The following BIRC6 variants were observed in gnomAD, a reference collection of about 807,000 sequenced individuals.
BIRC6 encodes baculoviral IAP repeat containing 6, also known as dual E2 ubiquitin-conjugating enzyme/E3 ubiquitin-protein ligase BIRC6.
Under a neutral mutation model 503.3 loss-of-function variants are expected in BIRC6, and 98 were observed. The ratio of observed to expected loss-of-function variants is 0.19; its 90% confidence interval spans 0.17 to 0.23. The LOEUF is 0.23. BIRC6 is among the 10% of genes least tolerant of loss of function. BIRC6 has a pLI of 1.00. For missense variants in BIRC6, 5,360 were observed against 5,806.0 expected, an observed-to-expected ratio of 0.92 and a Z score of 2.50; for synonymous variants, 2,240 against 2,078.7, an observed-to-expected ratio of 1.08 and a Z score of -2.11.
At chr2:32,478,279 A>G (rs1409581291) in intron 35 of BIRC6, among the ~76,000 whole-genome samples, 1 of 152,144 alleles carries the variant, frequency 6.6e-6, no homozygotes, top group Non-Finnish European at 1.5e-5. Flanking sequence ...ATGAGGTTGC[A>G]GTGAGCTGAA....
intron 66 of BIRC6, among the ~76,000 whole-genome samples, chr2:32,579,906 T>C (rs2060550096): frequency 6.6e-6 from 1 of 151,922 alleles, no homozygotes; most frequent in South Asian, 2.1e-4. Flanking sequence ...AAAATTGGTC[T>C]TCTTTCTAAG....
In BIRC6 at chr2:32,482,359, A is replaced by G. The variant is rs1044677440; in HGVS notation, c.7543-70A>G. On this transcript the variant is annotated intron_variant, in intron 38 of 73. Coordinates refer to ENST00000421745, the MANE Select transcript of BIRC6 (RefSeq NM_016252.4). The stretch of plus-strand genomic sequence containing the variant: ...ATTTTGTAGTTCTGTTTGGGTTTAG[A>G]TAATGTAAATAACGTGTCATTCAGC... The G allele has an allele frequency of 2.0e-6, 3 of 1,476,964 alleles. No individual in the cohort carries two copies. In the African/African-American group the frequency reaches 4.2e-5, roughly 21 times the overall value. The allele number at this position is 1,476,964 out of a possible 1,614,324, so 91.5% of individuals were successfully genotyped here.
chr2:32,456,954 G>A (rs1016258677), intron 23 of BIRC6, among the ~76,000 whole-genome samples: 10 of 151,990 alleles, frequency 6.6e-5, no homozygotes, highest in African/African-American at 2.2e-4. Flanking sequence ...TTTTTGAGAT[G>A]GGGTCTTGCT....
chr2:32,574,779 A>T, intron 65 of BIRC6: 3 of 270,426 alleles, frequency 1.1e-5, no homozygotes, highest in Non-Finnish European at 2.2e-5. Context: ...ACGGAGTTTC[A>T]CTCTTGTGGC....
chr2:32,416,082 AAGG>A lies in BIRC6; in HGVS notation c.2795_2797del (p.Glu932del). On this transcript the variant is annotated inframe_deletion, in exon 10 of 74. Transcript: ENST00000421745. ...TTTGGCCAAAGTGGAGCCTCCCAAA[AAGG>A]AGGGCACTGAGGAACAGGACACATT... is the stretch of plus-strand genomic sequence containing the variant. 1.2e-6 allele frequency: 2 copies of A among 1,613,946 alleles called. No homozygotes were observed. The highest frequency in any genetic ancestry group is 1.7e-6 in the Non-Finnish European group (2 of 1,179,860).
chr2:32,515,552 C>T lies in BIRC6; in HGVS notation c.11131C>T (p.Leu3711=). The change falls in exon 55 of 74, where the codon CTA becomes TTA. Residue 3711 remains leucine (L), a synonymous_variant. Transcript: ENST00000421745. ...DWLGGSEVNP[L]WTALLFLLCH... is the part of the protein sequence containing the mutation. ...GCTTGGTGGTTCTGAAGTCAATCCA[C>T]TATGGACAGCACTTCTGTTTTTATT... The T allele has an allele frequency of 6.2e-7, 1 of 1,613,998 alleles. No homozygotes were observed. Among genetic ancestry groups the T allele is most frequent in the Non-Finnish European group, 8.5e-7 (1 of 1,179,892 alleles).
intron 61 of BIRC6, among the ~76,000 whole-genome samples, 181 bp from the exon 62 acceptor site, chr2:32,543,060 A>G (rs1292178631): frequency 6.6e-6 from 1 of 152,208 alleles, no homozygotes; most frequent in Non-Finnish European, 1.5e-5. Context: ...TCAGCCTCCC[A>G]AAGTGCTGGG....
At chr2:32,360,747 C>G (rs986981795) in intron 1 of BIRC6, among the ~76,000 whole-genome samples, 1 of 152,068 alleles carries the variant, frequency 6.6e-6, no homozygotes, top group African/African-American at 2.4e-5. Flanking sequence ...TTTCAACCGT[C>G]TTGAACTATT....
intron 71 of BIRC6, among the ~76,000 whole-genome samples, chr2:32,604,895 CTT>C (rs11288979): frequency 3.4e-4 from 45 of 133,528 alleles, no homozygotes; most frequent in Non-Finnish European, 4.8e-4. Flanking sequence ...CTTTTCTTTT[CTT>C]TTTTTTTTTT....
intron 57 of BIRC6, among the ~76,000 whole-genome samples, chr2:32,520,814 C>A (rs906013052): frequency 1.3e-5 from 2 of 152,110 alleles, no homozygotes; most frequent in Non-Finnish European, 2.9e-5. Context: ...GAGACTCTCT[C>A]AAAACACATA....
In BIRC6 at chr2:32,524,951, A is replaced by T; in HGVS notation, c.11687A>T (p.His3896Leu). The T allele has an allele frequency of 6.5e-7, 1 of 1,545,304 alleles. No individual in the cohort carries two copies. The highest frequency in any genetic ancestry group is 8.7e-7 in the Non-Finnish European group (1 of 1,145,406). ...AAAGATGACAAAGAAAAGAAAAACC[A>T]TGAAGAGAAAGAAAAAGTTAAAGCG... ...EQKDDKEKKN[H>L]EEKEKVKAEN... Residue 3896 changes from histidine to leucine, a missense_variant, in exon 58 of 74, where the codon CAT (histidine) becomes CTT (leucine). Transcript: ENST00000421745.
At position 32,521,538 on chromosome 2, in the gene BIRC6, G is replaced by A. The variant is rs62136327; in HGVS notation, c.11623+2592G>A. 2.6e-5 allele frequency among the ~76,000 whole-genome samples: 4 copies of A among 151,404 alleles called. No individual in the cohort carries two copies. The South Asian group carries it at 6.2e-4, about 24-fold the overall frequency. On this transcript the variant is annotated intron_variant, in intron 57 of 73. Transcript: ENST00000421745. ...CCAGGCTGTGCAGTGGCGCGATCTC[G>A]GCTCACTGCAACCTCTGCCTCCCAG...
intron 66 of BIRC6, among the ~76,000 whole-genome samples, chr2:32,591,229 T>C (rs923757951): frequency 6.6e-6 from 1 of 152,224 alleles, no homozygotes; most frequent in Non-Finnish European, 1.5e-5. Context: ...AGGTCTAATA[T>C]ATATCTGCTT....
At position 32,468,500 on chromosome 2, in the gene BIRC6, C is replaced by T. The variant is rs757866060; in HGVS notation, c.5844C>T (p.Asn1948=). The T allele has an allele frequency of 7.4e-6, 12 of 1,613,528 alleles. No homozygotes were observed. The South Asian group carries it at 1.1e-4, about 15-fold the overall frequency. The part of the protein sequence containing the change: ...LLQSIDLPPL[N]SANNAQYFLR... ...AAAGTATTGATCTTCCTCCTCTAAA[C>T]AGTGCTAACAATGCACAGTACTTTT... is the stretch of plus-strand genomic sequence containing the variant. The change falls in exon 29 of 74, where the codon AAC becomes AAT. Residue 1948 remains asparagine, a synonymous_variant. Coordinates refer to ENST00000421745, the MANE Select transcript of BIRC6 (RefSeq NM_016252.4).
intron 71 of BIRC6, among the ~76,000 whole-genome samples, chr2:32,606,133 C>T (rs543754766): frequency 6.6e-6 from 1 of 152,254 alleles, no homozygotes; most frequent in African/African-American, 2.4e-5. Flanking sequence ...TGTTTTCCTG[C>T]CTTCAAAGAT....
At chr2:32,414,506 A>C (rs2042218048) in intron 9 of BIRC6, among the ~76,000 whole-genome samples, 1 of 151,960 alleles carries the variant, frequency 6.6e-6, no homozygotes, top group Admixed American at 6.6e-5. Flanking sequence ...GGCTCTACTA[A>C]AAATAGAAAA....
Position 32,467,907 on chromosome 2 carries a change from C to G in BIRC6, c.5576C>G (p.Thr1859Ser). 1.2e-6 allele frequency: 2 copies of G among 1,611,108 alleles called. No homozygotes were observed. Among genetic ancestry groups the G allele is most frequent in the Non-Finnish European group, 8.5e-7 (1 of 1,178,210 alleles). Residue 1859 changes from threonine to serine, a missense_variant, in exon 28 of 74, where the codon ACT becomes AGT. Thr to Ser is a moderately conservative substitution (Grantham distance 58). This residue lies in a region of BIRC6 where 2,299 missense variants were observed against 2,267.2 expected (regional missense o/e 1.01). Coordinates refer to ENST00000421745, the MANE Select transcript of BIRC6 (RefSeq NM_016252.4). ...ATTTATAATTTTTCATTTCAGATCA[C>G]TGTTATTGGACGTTACGGGAGTACA... ...PPPVCRFMKI[T>S]VIGRYGSTNA...
chr2:32,450,808 A>G, intron 22 of BIRC6, among the ~76,000 whole-genome samples: 1 of 152,190 alleles, frequency 6.6e-6, no homozygotes, highest in African/African-American at 2.4e-5. Context: ...TGTGTGCCTT[A>G]AATCATTTCT....
chr2:32,449,101 C>T lies in BIRC6; in HGVS notation c.4618+173C>T, dbSNP rs934944786. On this transcript the variant is annotated intron_variant, in intron 22 of 73. Coordinates refer to ENST00000421745, the MANE Select transcript of BIRC6 (RefSeq NM_016252.4). Reference sequence around the variant, plus strand: ...CTAGAAGTTCTTAACTTCCTCTTTCCCTCTGAAGAAAATCCCAGTATATTA... The same window carrying T: ...CTAGAAGTTCTTAACTTCCTCTTTCTCTCTGAAGAAAATCCCAGTATATTA... 3.0e-5 allele frequency: 17 copies of T among 572,336 alleles called. No homozygotes were observed. The Middle Eastern group carries it at 2.4e-3, about 80-fold the overall frequency. The allele number at this position is 572,336 out of a possible 1,614,324, so 35.5% of individuals were successfully genotyped here.
Sources: allele counts gnomAD v4.1 joint callset (sites outside exome capture counted in the v4.1 genomes callset), GRCh38; gene constraint gnomAD v4.1.1; regional missense constraint gnomAD v4.1.1; transcripts MANE v1.5; gene names NCBI Gene and HGNC (gene_info 2026-07-23, HGNC 2026-07-21).